The following LRP12 variants were observed in gnomAD, a reference collection of about 807,000 sequenced individuals.
LRP12 encodes LDL receptor related protein 12.
A neutral mutation model predicts 66.0 loss-of-function variants in LRP12; 14 were observed. That is an observed-to-expected ratio of 0.21 (90% CI 0.14 to 0.33). The LOEUF (loss-of-function observed/expected upper bound fraction) is 0.33. Ranked by LOEUF, LRP12 falls within the 10% of genes least tolerant of loss-of-function variation. LRP12 has a pLI of 1.00. For synonymous variants in LRP12, 357 were observed against 359.1 expected (o/e 0.99, Z 0.07); for missense variants, 889 against 1,053.4 (o/e 0.84, Z 2.16).
At chr8:104,527,770 C>T (rs925281289) in intron 2 of LRP12, among the ~76,000 whole-genome samples, 3 of 152,096 alleles carry the variant, frequency 2.0e-5, no homozygotes, top group East Asian at 1.9e-4. Context: ...CAGCATGGCA[C>T]TTGTATACAT....
intron 1 of LRP12, among the ~76,000 whole-genome samples, chr8:104,581,609 G>C (rs189664145): frequency 3.0e-4 from 45 of 152,098 alleles, no homozygotes; most frequent in Non-Finnish European, 2.9e-5. Flanking sequence ...ACTGCTGTTG[G>C]GTTTTAAGCA....
Position 104,497,173 on chromosome 8 carries a change from T to C in LRP12, c.1379A>G (p.Asn460Ser). ...FCQPGNFHCK[N>S]NRCVFESWVC... Reference sequence around the variant, plus strand: ...CCAACTTTCAAACACACAACGATTGTTTTTACAATGGAAATTTCCTGGTTG... The same window carrying C: ...CCAACTTTCAAACACACAACGATTGCTTTTACAATGGAAATTTCCTGGTTG... The change falls in exon 5 of 7, where the codon AAC becomes AGC. Residue 460 changes from asparagine to serine, a missense_variant. By Grantham distance (46) the Asn-to-Ser change is conservative (BLOSUM62 1). Coordinates refer to ENST00000276654, the MANE Select transcript of LRP12 (RefSeq NM_013437.5). This position sits in a 1 kb window ranked among gnomAD's most constrained non-coding sequence, Gnocchi z 4.3. 1 of 1,610,758 alleles carries C rather than the reference T, an allele frequency of 6.2e-7. No individual in the cohort carries two copies. Among genetic ancestry groups the C allele is most frequent in the Non-Finnish European group, 8.5e-7 (1 of 1,178,234 alleles).
intron 1 of LRP12, among the ~76,000 whole-genome samples, chr8:104,535,715 G>A (rs1212476341): frequency 1.3e-5 from 2 of 151,872 alleles, no homozygotes; most frequent in Non-Finnish European, 2.9e-5. Context: ...TAGTAACTGC[G>A]TGGATTGAAC....
chr8:104,494,279 T>C (rs1170771781), intron 6 of LRP12, among the ~76,000 whole-genome samples: 1 of 152,232 alleles, frequency 6.6e-6, no homozygotes, highest in African/African-American at 2.4e-5. Context: ...AAATTACATA[T>C]GGAGAAATGT....
At chr8:104,523,042 T>C (rs1038792529) in intron 2 of LRP12, among the ~76,000 whole-genome samples, 27 of 152,180 alleles carry the variant, frequency 1.8e-4, no homozygotes, top group Non-Finnish European at 4.4e-5. Flanking sequence ...TGACCTGTGA[T>C]ACAGTAATTT....
intron 1 of LRP12, among the ~76,000 whole-genome samples, chr8:104,587,722 G>A (rs1450647878): frequency 6.6e-6 from 1 of 152,128 alleles, no homozygotes; most frequent in Non-Finnish European, 1.5e-5. Flanking sequence ...ATTGGCTGTT[G>A]ACTAAACCTC....
chr8:104,568,572 C>A (rs1812037657), intron 1 of LRP12, among the ~76,000 whole-genome samples: 1 of 152,010 alleles, frequency 6.6e-6, no homozygotes, highest in Non-Finnish European at 1.5e-5. Flanking sequence ...TCTTACAACT[C>A]AACAACAAAG....
intron 1 of LRP12, among the ~76,000 whole-genome samples, chr8:104,535,331 C>G (rs1276951460): frequency 6.6e-6 from 1 of 151,812 alleles, no homozygotes; most frequent in South Asian, 2.1e-4. Context: ...AGTTTAAGTT[C>G]TAGAGTCAGA....
At chr8:104,569,168 A>G (rs1345320097) in intron 1 of LRP12, among the ~76,000 whole-genome samples, 1 of 152,088 alleles carries the variant, frequency 6.6e-6, no homozygotes, top group Non-Finnish European at 1.5e-5. Context: ...AGCCAGACAC[A>G]AAAGACCAAA....
rs147327781 is a variant in LRP12 at position 104,498,134 on chromosome 8, A to G, written c.476-58T>C. On this transcript the variant is annotated intron_variant, in intron 4 of 6. Coordinates refer to ENST00000276654, the MANE Select transcript of LRP12 (RefSeq NM_013437.5). ...AGAAGGAGAAAAATTATAATCTTTA[A>G]AAGACATAAAACAGCAAGTGATATT... The G allele has an allele frequency of 2.6e-4, 381 of 1,440,190 alleles. 2 individuals are homozygous for G. The African/African-American group carries it at 4.2e-3, about 16-fold the overall frequency. The allele number at this position is 1,440,190 out of a possible 1,614,324, so 89.2% of individuals were successfully genotyped here.
chr8:104,566,288 G>A (rs67555988), intron 1 of LRP12: 39,154 of 360,072 alleles, frequency 0.11, 2,684 homozygotes, highest in African/African-American at 0.23. Context: ...AAAAAATTAG[G>A]AGACCAACAT....
intron 1 of LRP12, among the ~76,000 whole-genome samples, chr8:104,534,383 A>G (rs558397215): frequency 1.3e-5 from 2 of 152,178 alleles, no homozygotes; most frequent in East Asian, 3.9e-4. Context: ...TTAGAGAGGA[A>G]GATTTGAATT....
chr8:104,562,957 A>C (rs1811937338), intron 1 of LRP12, among the ~76,000 whole-genome samples: 1 of 152,200 alleles, frequency 6.6e-6, no homozygotes, highest in Admixed American at 6.5e-5. Context: ...TCTAGTAATA[A>C]ATTTTAAAAG....
At chr8:104,549,858 C>T (rs1811700963) in intron 1 of LRP12, among the ~76,000 whole-genome samples, 1 of 152,108 alleles carries the variant, frequency 6.6e-6, no homozygotes, top group African/African-American at 2.4e-5. Context: ...CTCTATCAGC[C>T]CTCCATTATT....
intron 2 of LRP12, among the ~76,000 whole-genome samples, chr8:104,521,856 T>C (rs1811157531): frequency 1.3e-5 from 2 of 151,926 alleles, no homozygotes; most frequent in African/African-American, 4.8e-5. Flanking sequence ...TCAGTAACTT[T>C]AACAAGAGGT....
chr8:104,547,249 CTGT>C (rs1240427974), intron 1 of LRP12, among the ~76,000 whole-genome samples: 5 of 136,952 alleles, frequency 3.7e-5, no homozygotes, highest in African/African-American at 1.3e-4. Flanking sequence ...ATATACAATT[CTGT>C]TATATCATAT....
intron 1 of LRP12, among the ~76,000 whole-genome samples, chr8:104,542,992 C>A (rs186278382): frequency 0.01 from 1,457 of 139,988 alleles, 18 homozygotes; most frequent in African/African-American, 0.028. Context: ...AGAACACACA[C>A]AAATATATAT....
At chr8:104,523,090 A>G (rs1326659572) in intron 2 of LRP12, among the ~76,000 whole-genome samples, 1 of 152,172 alleles carries the variant, frequency 6.6e-6, no homozygotes, top group Non-Finnish European at 1.5e-5. Flanking sequence ...TATTCTTAGA[A>G]ATAAAAAAGG....
At chr8:104,509,289 C>A (rs1160713440) in intron 2 of LRP12, among the ~76,000 whole-genome samples, 1 of 152,170 alleles carries the variant, frequency 6.6e-6, no homozygotes, top group East Asian at 1.9e-4. Flanking sequence ...AATACAGTAG[C>A]CCCACTTATC....
Sources: gnomAD v4.1 joint callset for allele counts (sites outside exome capture counted in the v4.1 genomes callset) on GRCh38, gnomAD v4.1.1 for gene constraint, Gnocchi (gnomAD v3.1) non-coding constraint, MANE v1.5 for transcripts, NCBI Gene and HGNC (gene_info 2026-07-23, HGNC 2026-07-21) for gene names.